PCDHA12: variants seen among roughly 807,000 people sequenced by gnomAD.
PCDHA12 encodes the protein protocadherin alpha-12.
A neutral mutation model predicts 60.0 loss-of-function variants in PCDHA12; 44 were observed. The ratio of observed to expected loss-of-function variants is 0.73; its 90% CI spans 0.58 to 0.94. The LOEUF is 0.94. PCDHA12 is among the 40% of genes least tolerant of loss of function. The probability of loss-of-function intolerance (pLI) is 0.00; values close to 1 mark genes in which losing one functional copy is unlikely to be tolerated. For synonymous variants in PCDHA12, 569 were observed against 553.0 expected (o/e 1.03, Z -0.40); for missense variants, 1,276 against 1,239.7 (o/e 1.03, Z -0.44).
chr5:140,912,445 A>C (rs1165607499), intron 1 of PCDHA12, among the ~76,000 whole-genome samples: 1 of 151,772 alleles, frequency 6.6e-6, no homozygotes, highest in African/African-American at 2.4e-5. Flanking sequence ...ATTTGTGTGC[A>C]TTGATTTTGT....
At position 140,877,196 on chromosome 5, in the gene PCDHA12, G is replaced by C. The variant is rs782703953; in HGVS notation, c.1724G>C (p.Gly575Ala). Residue 575 changes from glycine to alanine, a missense_variant, in exon 1 of 4, where the codon GGC (glycine) becomes GCC (alanine). Physicochemically the swap from Gly to Ala is moderately conservative, Grantham distance 60 (BLOSUM62 0). Coordinates refer to ENST00000398631, the MANE Select transcript of PCDHA12 (RefSeq NM_018903.4). ...GCGACTCCGGCTGGCAGCGCAGGAG[G>C]CGCAGTTAGCGAGTTGGTACCGCGG... ...LLATPAGSAG[G>A]AVSELVPRSV... 1 of 1,613,808 alleles carries C rather than the reference G, an allele frequency of 6.2e-7. No homozygotes were observed. Among genetic ancestry groups the C allele is most frequent in the East Asian group, 2.2e-5 (1 of 44,850 alleles).
chr5:140,909,397 G>C (rs564100527), intron 1 of PCDHA12, among the ~76,000 whole-genome samples: 1 of 152,320 alleles, frequency 6.6e-6, no homozygotes, highest in East Asian at 1.9e-4. Flanking sequence ...TACAGCAGCT[G>C]CAATTGCAGT....
chr5:140,884,733 T>A (rs782206169), intron 1 of PCDHA12: 2 of 1,448,004 alleles, frequency 1.4e-6, no homozygotes, highest in African/African-American at 1.4e-5. Flanking sequence ...GTTTAAGACA[T>A]CTTTCCTGCC....
At chr5:140,923,910 C>T (rs1280601799) in intron 1 of PCDHA12, among the ~76,000 whole-genome samples, 5 of 152,156 alleles carry the variant, frequency 3.3e-5, no homozygotes, top group African/African-American at 1.2e-4. Flanking sequence ...GTGAAGATTT[C>T]CCATACTGTT....
At chr5:140,930,644 A>G (rs1346561903) in intron 1 of PCDHA12, among the ~76,000 whole-genome samples, 1 of 152,198 alleles carries the variant, frequency 6.6e-6, no homozygotes, top group East Asian at 1.9e-4. Context: ...AGGAAGGAAA[A>G]TGAAGCATTC....
intron 1 of PCDHA12, chr5:140,967,872 A>G: frequency 1.2e-6 from 2 of 1,614,034 alleles, no homozygotes; most frequent in Non-Finnish European, 1.7e-6. Context: ...GTGCTCACGG[A>G]CCTGTATAGC....
At chr5:140,882,414 C>T in intron 1 of PCDHA12, 2 of 1,614,148 alleles carry the variant, frequency 1.2e-6, no homozygotes, top group Non-Finnish European at 8.5e-7. Flanking sequence ...GGCCGCATCG[C>T]TCAGGACCTG....
At chr5:140,917,324 C>CGGT (rs2078038330) in intron 1 of PCDHA12, among the ~76,000 whole-genome samples, 1 of 76,126 alleles carries the variant, frequency 1.3e-5, no homozygotes, top group Admixed American at 1.5e-4. Flanking sequence ...GTTCATGTGG[C>CGGT]GGGGGAGGGG....
intron 1 of PCDHA12, chr5:140,967,039 G>GCTGGAC (rs1192512561): frequency 1.2e-6 from 2 of 1,611,626 alleles, no homozygotes; most frequent in Non-Finnish European, 1.7e-6. Flanking sequence ...GCTACCTGGA[G>GCTGGAC]CTGGACCTGA....
At chr5:140,953,545 C>A (rs551898012) in intron 1 of PCDHA12, among the ~76,000 whole-genome samples, 1 of 152,204 alleles carries the variant, frequency 6.6e-6, no homozygotes, top group Admixed American at 6.5e-5. Context: ...CATGCTGATT[C>A]TTTTCTCCAA....
chr5:140,925,125 A>G (rs1399052853), intron 1 of PCDHA12, among the ~76,000 whole-genome samples: 2 of 150,878 alleles, frequency 1.3e-5, no homozygotes, highest in African/African-American at 2.4e-5. Flanking sequence ...AAGGAAGGAA[A>G]AAAAATTTCA....
At chr5:140,886,827 GAAAA>G (rs782016620) in intron 1 of PCDHA12, among the ~76,000 whole-genome samples, 16 of 60,888 alleles carry the variant, frequency 2.6e-4, no homozygotes, top group Non-Finnish European at 3.3e-4. Flanking sequence ...ACTTCGTCTT[GAAAA>G]AAAAAAAAAA....
chr5:140,985,739 CTTTTTTT>C (rs11372071), intron 3 of PCDHA12, among the ~76,000 whole-genome samples: 2 of 117,922 alleles, frequency 1.7e-5, no homozygotes, highest in African/African-American at 6.4e-5. Flanking sequence ...TGATGAATTC[CTTTTTTT>C]TTTTTTTTTT....
rs1464705038 is a variant in PCDHA12 at position 140,883,214 on chromosome 5, T to C, written c.2367+5375T>C. 4.3e-6 allele frequency: 7 copies of C among 1,613,892 alleles called. No individual in the cohort carries two copies. The highest frequency in any genetic ancestry group is 5.9e-6 in the Non-Finnish European group (7 of 1,180,024). The stretch of plus-strand genomic sequence containing the variant: ...ACTAGATTTCGAAGAAAAGAAATTA[T>C]ATGAAATATCCGTGGAGGCAGTTGA... On this transcript the variant is annotated intron_variant, in intron 1 of 3. Coordinates refer to ENST00000398631, the MANE Select transcript of PCDHA12 (RefSeq NM_018903.4).
chr5:140,914,777 C>T (rs1476693090), intron 1 of PCDHA12, among the ~76,000 whole-genome samples: 1 of 151,924 alleles, frequency 6.6e-6, no homozygotes, highest in Non-Finnish European at 1.5e-5. Flanking sequence ...TATGACTTAT[C>T]TTATGACCCA....
intron 1 of PCDHA12, 184 bp downstream of exon 1, chr5:140,878,023 T>C (rs1162658024): frequency 2.6e-6 from 2 of 762,594 alleles, no homozygotes; most frequent in Non-Finnish European, 3.8e-6. Context: ...GAAGGAAATA[T>C]GTAGGTACAA....
intron 1 of PCDHA12, chr5:140,929,343 A>G (rs1204297753): frequency 2.0e-6 from 3 of 1,531,032 alleles, no homozygotes; most frequent in Non-Finnish European, 2.6e-6. Context: ...AATTTTATGG[A>G]ATTTGATTCC....
chr5:140,906,327 A>G (rs1240461628), intron 1 of PCDHA12, among the ~76,000 whole-genome samples: 2 of 152,322 alleles, frequency 1.3e-5, no homozygotes, highest in African/African-American at 4.8e-5. Flanking sequence ...TGATACAACT[A>G]TCCTTCATAC....
chr5:140,884,265 T>A, intron 1 of PCDHA12: 1 of 1,613,432 alleles, frequency 6.2e-7, no homozygotes, highest in Middle Eastern at 1.6e-4. Context: ...GCAACGGTGC[T>A]GTTGTCGCTG....
Sources: allele counts gnomAD v4.1 joint callset (sites outside exome capture counted in the v4.1 genomes callset), GRCh38; gene constraint gnomAD v4.1.1; transcripts MANE v1.5; gene names NCBI Gene and HGNC (gene_info 2026-07-23, HGNC 2026-07-21).